The following RPS6KA5 variants were observed in gnomAD, a reference collection of about 807,000 sequenced individuals.
RPS6KA5 encodes the protein ribosomal protein S6 kinase A5.
Under a neutral mutation model 85.5 loss-of-function variants are expected in RPS6KA5, and 27 were observed. The observed-to-expected ratio is 0.32, with a 90% CI of 0.23 to 0.44. The LOEUF is 0.44. Among genes scored for constraint, RPS6KA5 ranks in the 20% least tolerant of loss-of-function variants. The pLI, the probability that RPS6KA5 is intolerant of heterozygous loss-of-function variation, is 1.00. For missense variants in RPS6KA5, 811 were observed against 980.9 expected (o/e 0.83, Z 2.31); for synonymous variants, 334 against 348.2 (o/e 0.96, Z 0.46).
intron 1 of RPS6KA5, among the ~76,000 whole-genome samples, chr14:91,015,792 C>T (rs547652204): frequency 1.3e-5 from 2 of 152,276 alleles, no homozygotes; most frequent in South Asian, 4.2e-4. Flanking sequence ...AGGACTACAG[C>T]CAACTCATTT....
chr14:90,891,421 G>C (rs1350821621), intron 13 of RPS6KA5, among the ~76,000 whole-genome samples: 1 of 151,886 alleles, frequency 6.6e-6, no homozygotes, highest in Non-Finnish European at 1.5e-5. Flanking sequence ...CTAAGACTCT[G>C]TAGTACTACT....
chr14:90,981,028 G>A (rs752335744), intron 2 of RPS6KA5, among the ~76,000 whole-genome samples: 31 of 152,076 alleles, frequency 2.0e-4, no homozygotes, highest in Non-Finnish European at 3.5e-4. Context: ...AAAATTAGCC[G>A]AGCATGGTGG....
chr14:90,969,326 A>T (rs1775276995), intron 3 of RPS6KA5, among the ~76,000 whole-genome samples: 2 of 152,356 alleles, frequency 1.3e-5, no homozygotes, highest in South Asian at 4.1e-4. Context: ...GCACAGTTTC[A>T]GGCTGCTCGT....
intron 1 of RPS6KA5, among the ~76,000 whole-genome samples, chr14:91,042,874 G>A (rs1027698209): frequency 2.6e-5 from 4 of 151,950 alleles, no homozygotes; most frequent in African/African-American, 9.7e-5. Flanking sequence ...ACTTAAGCAC[G>A]CTCTACCATC....
chr14:91,006,213 A>G (rs1475605959), intron 1 of RPS6KA5, among the ~76,000 whole-genome samples: 1 of 152,088 alleles, frequency 6.6e-6, no homozygotes, highest in Non-Finnish European at 1.5e-5. Flanking sequence ...GCCTCCCCAC[A>G]AGGCCTCTTT....
At chr14:90,930,572 C>A (rs760189274) in intron 5 of RPS6KA5, among the ~76,000 whole-genome samples, 3 of 151,570 alleles carry the variant, frequency 2.0e-5, no homozygotes, top group Admixed American at 2.0e-4. Context: ...TTCTGAATAT[C>A]GAAGGAAAGA....
intron 5 of RPS6KA5, among the ~76,000 whole-genome samples, chr14:90,935,911 A>C (rs138360763): frequency 6.6e-6 from 1 of 152,352 alleles, no homozygotes; most frequent in Admixed American, 6.5e-5. Flanking sequence ...TTTGCTTATA[A>C]ATATGAACAG....
chr14:90,926,402 AC>A (rs1311919082), intron 5 of RPS6KA5, among the ~76,000 whole-genome samples: 2 of 148,968 alleles, frequency 1.3e-5, no homozygotes, highest in Non-Finnish European at 2.9e-5. Context: ...AAAAAAAAAA[AC>A]AAAAAAAAAG....
intron 1 of RPS6KA5, among the ~76,000 whole-genome samples, chr14:91,013,706 T>G (rs1475831916): frequency 6.6e-6 from 1 of 152,166 alleles, no homozygotes; most frequent in Non-Finnish European, 1.5e-5. Flanking sequence ...AATAAAAGAT[T>G]TTAAGGAGAA....
At chr14:90,898,188 T>C (rs894470903) in intron 12 of RPS6KA5, among the ~76,000 whole-genome samples, 4 of 152,174 alleles carry the variant, frequency 2.6e-5, no homozygotes, top group Admixed American at 1.3e-4. Flanking sequence ...TTACCACACT[T>C]ACCAACTGTA....
rs202185192 is a variant in RPS6KA5 at position 91,025,659 on chromosome 14, T to TA, written c.104-24501dup. On this transcript the variant is annotated intron_variant, in intron 1 of 16. Coordinates refer to ENST00000614987, the MANE Select transcript of RPS6KA5 (RefSeq NM_004755.4). Reference sequence around the variant, plus strand: ...TGTTAAAGTATCATTTCTGAAGTTCTAAAAAAAAAAAGCAAACAAATCGTC... The same window carrying TA: ...TGTTAAAGTATCATTTCTGAAGTTCTAAAAAAAAAAAAGCAAACAAATCGTC... 4.6e-3 allele frequency among the ~76,000 whole-genome samples: 662 copies of TA among 143,606 alleles called. 4 individuals are homozygous for TA. The highest frequency in any genetic ancestry group is 0.014 in the African/African-American group (535 of 39,264). 94.2% of individuals were successfully genotyped at this position (143,606 alleles called of 152,430 possible).
intron 3 of RPS6KA5, among the ~76,000 whole-genome samples, chr14:90,964,943 A>G (rs1200661151): frequency 6.8e-6 from 1 of 146,458 alleles, no homozygotes; most frequent in Non-Finnish European, 1.5e-5. Context: ...AAACCAAAAA[A>G]CCAAAACAAA....
chr14:90,953,334 G>A (rs553967540), intron 3 of RPS6KA5, among the ~76,000 whole-genome samples: 8 of 152,072 alleles, frequency 5.3e-5, no homozygotes, highest in East Asian at 1.9e-4. Context: ...TTTCTTATAC[G>A]TGTCTTAATC....
At chr14:90,988,597 A>G (rs547299477) in intron 2 of RPS6KA5, among the ~76,000 whole-genome samples, 155 of 152,286 alleles carry the variant, frequency 1.0e-3, no homozygotes, top group African/African-American at 3.7e-3. Context: ...CGGGTGCATC[A>G]CCTGAGGTCA....
chr14:91,044,187 A>G (rs1331742150), intron 1 of RPS6KA5, among the ~76,000 whole-genome samples: 2 of 151,370 alleles, frequency 1.3e-5, no homozygotes, highest in Non-Finnish European at 2.9e-5. Flanking sequence ...AGATCGCGCC[A>G]TTGCACTCTG....
intron 2 of RPS6KA5, among the ~76,000 whole-genome samples, chr14:90,981,158 T>G (rs573638432): frequency 3.2e-4 from 48 of 152,212 alleles, no homozygotes; most frequent in African/African-American, 1.2e-3. Context: ...GCAACAAGAG[T>G]GAAACTTAGT....
At chr14:91,058,159 G>C (rs887273606) in intron 1 of RPS6KA5, among the ~76,000 whole-genome samples, 2 of 152,172 alleles carry the variant, frequency 1.3e-5, no homozygotes, top group African/African-American at 4.8e-5. Flanking sequence ...ACTCTTTCAA[G>C]TTATATTTTA....
rs188762420 is a variant in RPS6KA5 at position 90,932,033 on chromosome 14, T to C, written c.619-8837A>G. On this transcript the variant is annotated intron_variant, in intron 5 of 16. Coordinates refer to ENST00000614987, the MANE Select transcript of RPS6KA5 (RefSeq NM_004755.4). ...ACACAATTAAAATTAATCCACCACA[T>C]ACTCTTTACCTGCACCAGTGCAGCT... is the stretch of plus-strand genomic sequence containing the variant. Among the ~76,000 whole-genome samples the C allele has an allele frequency of 3.6e-3, 553 of 152,374 alleles. 3 individuals carry two copies. Among genetic ancestry groups the C allele is most frequent in the Middle Eastern group, 0.017 (5 of 294 alleles).
At chr14:90,922,027 G>A (rs919272791) in intron 6 of RPS6KA5, among the ~76,000 whole-genome samples, 1 of 152,102 alleles carries the variant, frequency 6.6e-6, no homozygotes, top group Non-Finnish European at 1.5e-5. Context: ...AAGAGAGGAG[G>A]CCAAAAAAAT....
Sources: allele counts gnomAD v4.1 joint callset (sites outside exome capture counted in the v4.1 genomes callset), GRCh38; gene constraint gnomAD v4.1.1; transcripts MANE v1.5; gene names NCBI Gene and HGNC (gene_info 2026-07-23, HGNC 2026-07-21).